The following ARHGAP24 variants were observed in gnomAD, a reference collection of about 807,000 sequenced individuals.
ARHGAP24 encodes the protein rho GTPase-activating protein 24.
A neutral mutation model predicts 76.4 loss-of-function variants in ARHGAP24; 50 were observed. The ratio of observed to expected loss-of-function variants is 0.65; its 90% CI spans 0.52 to 0.83. The LOEUF is 0.83. Among genes scored for constraint, ARHGAP24 ranks in the 40% least tolerant of loss-of-function variants. The probability of loss-of-function intolerance (pLI) is 0.00; values close to 1 mark genes in which losing one functional copy is unlikely to be tolerated. For synonymous variants in ARHGAP24, 345 were observed against 323.3 expected, an observed-to-expected ratio of 1.07 and a Z score of -0.72; for missense variants, 930 against 914.2, an observed-to-expected ratio of 1.02 and a Z score of -0.22.
At chr4:85,543,427 G>A (rs772484197) in intron 1 of ARHGAP24, among the ~76,000 whole-genome samples, 3 of 152,176 alleles carry the variant, frequency 2.0e-5, no homozygotes, top group Non-Finnish European at 1.5e-5. Context: ...GGAATGCGGA[G>A]GACAGACTAA....
intron 3 of ARHGAP24, among the ~76,000 whole-genome samples, chr4:85,764,810 T>C (rs1726865238): frequency 6.6e-6 from 1 of 152,190 alleles, no homozygotes; most frequent in Non-Finnish European, 1.5e-5. Flanking sequence ...TCTTCGTTAC[T>C]GTAATTCTCA....
intron 1 of ARHGAP24, among the ~76,000 whole-genome samples, chr4:85,538,686 G>GT (rs961149109): frequency 4.6e-4 from 70 of 152,236 alleles, no homozygotes; most frequent in African/African-American, 1.6e-3. Context: ...CCAAAGAAGA[G>GT]TAAGTATTTG....
intron 3 of ARHGAP24, among the ~76,000 whole-genome samples, chr4:85,896,980 G>A (rs1319482284): frequency 1.3e-5 from 2 of 152,102 alleles, no homozygotes; most frequent in Non-Finnish European, 2.9e-5. Context: ...ACTTCATCCT[G>A]TCTTTATTGC....
At chr4:85,691,313 G>A (rs1002909075) in intron 2 of ARHGAP24, among the ~76,000 whole-genome samples, 1 of 152,152 alleles carries the variant, frequency 6.6e-6, no homozygotes, top group South Asian at 2.1e-4. Flanking sequence ...TGAGAAGAAT[G>A]TATATCCTAT....
chr4:85,841,267 C>G (rs1730582860), intron 3 of ARHGAP24, among the ~76,000 whole-genome samples: 1 of 152,184 alleles, frequency 6.6e-6, no homozygotes, highest in Non-Finnish European at 1.5e-5. Flanking sequence ...CTCAAGAATA[C>G]TGATTGAAAA....
intron 2 of ARHGAP24, among the ~76,000 whole-genome samples, chr4:85,707,420 C>T (rs1482083): frequency 0.64 from 97,693 of 152,088 alleles, 33,787 homozygotes; most frequent in Non-Finnish European, 0.79. Context: ...GAGATAAGAA[C>T]GTTATTTAAC....
chr4:85,787,308 C>T (rs762964602), intron 3 of ARHGAP24, among the ~76,000 whole-genome samples: 33 of 152,086 alleles, frequency 2.2e-4, no homozygotes, highest in Non-Finnish European at 4.4e-4. Flanking sequence ...AGCAGATGAC[C>T]ATTCAGGTGA....
At chr4:85,820,469 C>CA (rs1729421071) in intron 3 of ARHGAP24, among the ~76,000 whole-genome samples, 1 of 152,078 alleles carries the variant, frequency 6.6e-6, no homozygotes, top group South Asian at 2.1e-4. Flanking sequence ...GAACAACAGA[C>CA]ACTAGGCCCT....
chr4:85,713,471 T>C (rs1325502366), intron 2 of ARHGAP24, among the ~76,000 whole-genome samples: 1 of 152,176 alleles, frequency 6.6e-6, no homozygotes, highest in Non-Finnish European at 1.5e-5. Context: ...ATTAACAGTT[T>C]CATTTTTTTC....
intron 2 of ARHGAP24, among the ~76,000 whole-genome samples, chr4:85,688,140 G>T (rs1459399689): frequency 1.3e-5 from 2 of 152,022 alleles, no homozygotes; most frequent in African/African-American, 4.8e-5. Flanking sequence ...TTATTTGAGA[G>T]ATCTCCAAAC....
chr4:85,726,314 A>T (rs1277333825), intron 3 of ARHGAP24, among the ~76,000 whole-genome samples: 1 of 152,152 alleles, frequency 6.6e-6, no homozygotes, highest in Non-Finnish European at 1.5e-5. Flanking sequence ...ATAATCTTAG[A>T]TTGGATTCCA....
chr4:85,778,595 C>T (rs776072494), intron 3 of ARHGAP24: 8 of 864,190 alleles, frequency 9.3e-6, no homozygotes, highest in Admixed American at 6.2e-5. Context: ...TCTATGATTC[C>T]TATTTCTTAT....
chr4:85,931,379 G>A (rs554038753), intron 4 of ARHGAP24, among the ~76,000 whole-genome samples: 1 of 152,196 alleles, frequency 6.6e-6, no homozygotes, highest in East Asian at 1.9e-4. Context: ...CCCAAATCAA[G>A]CAGCCATGTT....
chr4:85,680,870 C>T (rs1468821900), intron 2 of ARHGAP24, among the ~76,000 whole-genome samples: 1 of 151,388 alleles, frequency 6.6e-6, no homozygotes, highest in Non-Finnish European at 1.5e-5. Flanking sequence ...CTTCCTGAAG[C>T]TTAACAGTCC....
intron 3 of ARHGAP24, among the ~76,000 whole-genome samples, chr4:85,764,512 G>C (rs905207852): frequency 2.0e-5 from 3 of 152,134 alleles, no homozygotes; most frequent in Non-Finnish European, 2.9e-5. Context: ...GTTTGATGCA[G>C]CTCTTTTAAC....
At chr4:85,886,236 A>G (rs1733559350) in intron 3 of ARHGAP24, among the ~76,000 whole-genome samples, 1 of 152,196 alleles carries the variant, frequency 6.6e-6, no homozygotes, top group Non-Finnish European at 1.5e-5. Context: ...TTACTGTAAT[A>G]TGATAAACTT....
At chr4:85,494,743 T>A (rs981732377) in intron 1 of ARHGAP24, among the ~76,000 whole-genome samples, 1 of 149,546 alleles carries the variant, frequency 6.7e-6, no homozygotes, top group African/African-American at 2.5e-5. Flanking sequence ...TAACAGAAAA[T>A]AGCCTTCTTT....
intron 3 of ARHGAP24, among the ~76,000 whole-genome samples, chr4:85,807,604 A>G (rs183287157): frequency 2.6e-5 from 4 of 152,308 alleles, no homozygotes; most frequent in Non-Finnish European, 5.9e-5. Flanking sequence ...GAGGATTCTC[A>G]GGTCTTCAAC....
chr4:85,982,230 A>G (rs1259393392), intron 8 of ARHGAP24, among the ~76,000 whole-genome samples: 3 of 151,894 alleles, frequency 2.0e-5, no homozygotes, highest in African/African-American at 7.3e-5. Flanking sequence ...AAATCTTGTT[A>G]TTTGAGGAGA....
Sources: gnomAD v4.1 joint callset for allele counts (sites outside exome capture counted in the v4.1 genomes callset) on GRCh38, gnomAD v4.1.1 for gene constraint, MANE v1.5 for transcripts, NCBI Gene and HGNC (gene_info 2026-07-23, HGNC 2026-07-21) for gene names.